The following FNDC3B variants were observed in gnomAD, a reference collection of about 807,000 sequenced individuals.
FNDC3B encodes fibronectin type III domain-containing protein 3B.
Under a neutral mutation model 151.5 loss-of-function variants are expected in FNDC3B, and 12 were observed. That is an observed-to-expected ratio of 0.08 (90% confidence interval 0.05 to 0.13). FNDC3B has a LOEUF of 0.13. Among genes scored for constraint, FNDC3B ranks in the 10% least tolerant of loss-of-function variants. The pLI is 1.00. For synonymous variants in FNDC3B, 528 were observed against 549.0 expected (o/e 0.96, Z 0.54); for missense variants, 1,214 against 1,505.3 (o/e 0.81, Z 3.20).
chr3:172,067,141 C>G (rs951379516), intron 1 of FNDC3B, among the ~76,000 whole-genome samples: 3 of 152,206 alleles, frequency 2.0e-5, no homozygotes, highest in African/African-American at 7.2e-5. Flanking sequence ...CATGAGCTAT[C>G]AAAATCCTCC....
At chr3:172,173,844 G>A (rs1451633904) in intron 3 of FNDC3B, among the ~76,000 whole-genome samples, 1 of 143,514 alleles carries the variant, frequency 7.0e-6, no homozygotes, top group Non-Finnish European at 1.5e-5. Flanking sequence ...CGCGGGGTGG[G>A]AAGCCTCCCG....
intron 4 of FNDC3B, among the ~76,000 whole-genome samples, chr3:172,228,801 T>C (rs1478990888): frequency 1.3e-5 from 2 of 152,178 alleles, no homozygotes; most frequent in East Asian, 3.9e-4. Flanking sequence ...TCAATTGGGC[T>C]CCTTGACCAG....
intron 1 of FNDC3B, among the ~76,000 whole-genome samples, chr3:172,067,088 A>G (rs767399277): frequency 3.3e-5 from 5 of 152,164 alleles, no homozygotes; most frequent in Admixed American, 6.5e-5. Flanking sequence ...TCCTGTGCAG[A>G]TATAAGACTT....
chr3:172,140,259 A>G (rs1721555508), intron 3 of FNDC3B, among the ~76,000 whole-genome samples: 2 of 152,228 alleles, frequency 1.3e-5, no homozygotes, highest in South Asian at 2.1e-4. Context: ...TAGCTTCAAG[A>G]CCAATCAGTC....
At chr3:172,243,363 G>A (rs989007457) in intron 4 of FNDC3B, among the ~76,000 whole-genome samples, 3 of 152,302 alleles carry the variant, frequency 2.0e-5, no homozygotes, top group South Asian at 2.1e-4. Context: ...CTGAGACTGG[G>A]CAATTTACAA....
intron 1 of FNDC3B, among the ~76,000 whole-genome samples, chr3:172,078,093 G>A (rs376612116): frequency 6.6e-6 from 1 of 152,058 alleles, no homozygotes; most frequent in Non-Finnish European, 1.5e-5. Flanking sequence ...CGATTCTCCC[G>A]CCTCAGCCTC....
intron 3 of FNDC3B, among the ~76,000 whole-genome samples, chr3:172,188,913 T>G (rs1724353589): frequency 6.6e-6 from 1 of 152,244 alleles, no homozygotes; most frequent in South Asian, 2.1e-4. Flanking sequence ...TGTACTATTT[T>G]GTACTCAATT....
At position 172,092,879 on chromosome 3, in the gene FNDC3B, C is replaced by T. The variant is rs145937173; in HGVS notation, c.-28-19573C>T. Reference sequence around the variant, plus strand: ...GGAGCGCAGTGGCATGATAATGGCTCACTGCAACCTCTGCCTCCTGGGCTC... The same window carrying T: ...GGAGCGCAGTGGCATGATAATGGCTTACTGCAACCTCTGCCTCCTGGGCTC... On this transcript the variant is annotated intron_variant, in intron 1 of 25. Transcript: ENST00000415807. Among the ~76,000 whole-genome samples, 1,069 of 152,304 alleles carry T rather than the reference C, an allele frequency of 7.0e-3. 10 individuals carry two copies. Among genetic ancestry groups the T allele is most frequent in the Non-Finnish European group, 8.0e-3 (546 of 68,028 alleles).
At chr3:172,179,694 C>T (rs1723783705) in intron 3 of FNDC3B, among the ~76,000 whole-genome samples, 1 of 151,736 alleles carries the variant, frequency 6.6e-6, no homozygotes, top group South Asian at 2.1e-4. Flanking sequence ...TTAGCCTGGG[C>T]AACATGGCAA....
Position 172,267,270 on chromosome 3 carries a change from C to T in FNDC3B, c.790+15729C>T, listed in dbSNP as rs573033687. On this transcript the variant is annotated intron_variant, in intron 6 of 25. Transcript: ENST00000415807. ...TCCCTGGCTCAAGCAATCCTCCCACCTCAGCCTCCCAAGTAGCTGGGACTG... is the reference window on the plus strand; with the variant it reads ...TCCCTGGCTCAAGCAATCCTCCCACTTCAGCCTCCCAAGTAGCTGGGACTG... 4.6e-5 allele frequency among the ~76,000 whole-genome samples: 7 copies of T among 152,198 alleles called. No individual in the cohort carries two copies. The East Asian group carries it at 1.4e-3, about 29-fold the overall frequency.
chr3:172,251,528 T>G lies in FNDC3B; in HGVS notation c.777T>G (p.Asp259Glu). 1 of 1,611,646 alleles carries G rather than the reference T, an allele frequency of 6.2e-7. No individual in the cohort carries two copies. The highest frequency in any genetic ancestry group is 2.2e-5 in the East Asian group (1 of 44,828). Residue 259 changes from aspartate (D) to glutamate (E), a missense_variant, in exon 6 of 26, where the codon GAT becomes GAG. Coordinates refer to ENST00000415807, the MANE Select transcript of FNDC3B (RefSeq NM_022763.4). The part of the protein sequence containing the change: ...RRARSSPKSN[D>E]SDLQEYELEV... ...CAAGAAGCAGCCCAAAGTCGAATGA[T>G]TCAGACTTGCAAGGTAATACTCAAG...
At chr3:172,196,691 A>AGG (rs1724850294) in intron 3 of FNDC3B, among the ~76,000 whole-genome samples, 2 of 152,040 alleles carry the variant, frequency 1.3e-5, no homozygotes, top group Non-Finnish European at 2.9e-5. Flanking sequence ...TGAATAGAAG[A>AGG]GGGAGGGTCT....
chr3:172,240,625 CAGCATACCAGT>C (rs1346382139), intron 4 of FNDC3B, among the ~76,000 whole-genome samples: 98 of 152,268 alleles, frequency 6.4e-4, no homozygotes, highest in Non-Finnish European at 1.8e-4. Flanking sequence ...CTTGGTTCTG[CAGCATACCAGT>C]TGCACAATTT....
chr3:172,330,007 T>C (rs994343137), intron 12 of FNDC3B: 1 of 152,224 alleles, frequency 6.6e-6, no homozygotes, highest in Admixed American at 6.5e-5. Flanking sequence ...TGATAAACAT[T>C]GCCTTGTGCT....
intron 3 of FNDC3B, among the ~76,000 whole-genome samples, chr3:172,203,818 C>T (rs556908543): frequency 4.6e-5 from 7 of 152,110 alleles, no homozygotes; most frequent in African/African-American, 1.4e-4. Context: ...GGGTATTTCC[C>T]GTCACTTTTT....
At chr3:172,293,510 A>G (rs948447400) in intron 7 of FNDC3B, among the ~76,000 whole-genome samples, 3 of 152,200 alleles carry the variant, frequency 2.0e-5, no homozygotes, top group African/African-American at 7.2e-5. Flanking sequence ...ATCACAGTTG[A>G]CTATGACTTG....
chr3:172,295,318 G>A (rs754993753), intron 7 of FNDC3B, 45 bp from the exon 8 acceptor site: 7 of 1,568,086 alleles, frequency 4.5e-6, no homozygotes, highest in African/African-American at 1.4e-5. Context: ...TTCTGAAAAT[G>A]TAAAATGGAT....
At chr3:172,371,084 A>G (rs1734859123) in intron 23 of FNDC3B, among the ~76,000 whole-genome samples, 1 of 152,150 alleles carries the variant, frequency 6.6e-6, no homozygotes, top group Admixed American at 6.5e-5. Flanking sequence ...CTCAGTATCT[A>G]TGGGTGATTG....
rs375821848 is a variant in FNDC3B at position 172,166,197 on chromosome 3, C to T, written c.187+32651C>T. ...CTCATTTCATCGGAATTGGGAAGGC[C>T]ACCATCTTATAGCTGGGCTTGTGAA... On this transcript the variant is annotated intron_variant, in intron 3 of 25. Transcript: ENST00000415807. Among the ~76,000 whole-genome samples the T allele has an allele frequency of 1.6e-4, 25 of 152,270 alleles. 1 individual carries two copies. Among genetic ancestry groups the T allele is most frequent in the African/African-American group, 6.0e-4 (25 of 41,546 alleles).
Sources: allele counts gnomAD v4.1 joint callset (sites outside exome capture counted in the v4.1 genomes callset), GRCh38; gene constraint gnomAD v4.1.1; transcripts MANE v1.5; gene names NCBI Gene and HGNC (gene_info 2026-07-23, HGNC 2026-07-21).